The following APBB2 variants were observed in gnomAD, a reference collection of about 807,000 sequenced individuals.
The protein encoded by APBB2 is amyloid beta precursor protein binding family B member 2, also known as Fe65-like 1.
APBB2 carries 38 observed loss-of-function variants against 82.5 expected under a neutral mutation model. That is an observed-to-expected ratio of 0.46 (90% CI 0.36 to 0.60). The LOEUF (loss-of-function observed/expected upper bound fraction) is 0.60. APBB2 is among the 20% of genes least tolerant of loss of function. The pLI is 0.00. For synonymous variants in APBB2, 341 were observed against 368.2 expected (o/e 0.93, Z 0.85); for missense variants, 772 against 972.3 (o/e 0.79, Z 2.74).
chr4:41,127,290 A>T lies in APBB2; in HGVS notation c.-261+15697T>A, dbSNP rs1038422806. 2.0e-5 allele frequency among the ~76,000 whole-genome samples: 3 copies of T among 152,234 alleles called. No homozygotes were observed. Among genetic ancestry groups the T allele is most frequent in the Non-Finnish European group, 4.4e-5 (3 of 68,026 alleles). On this transcript the variant is annotated intron_variant, in intron 2 of 17. Coordinates refer to ENST00000508593, the MANE Select transcript of APBB2 (RefSeq NM_004307.2). The surrounding 1 kb of genome is among the most constrained non-coding windows in gnomAD (Gnocchi z 4.8). ...GGAAACCCAAAGATTTCTAAGCACC[A>T]GTTGCCAGTCCACATTTTATAAGCA...
rs150652593 is a variant in APBB2, at chr4:41,001,401, A to G, written c.835+12182T>C. 2.0e-5 allele frequency among the ~76,000 whole-genome samples: 3 copies of G among 152,366 alleles called. No individual in the cohort carries two copies. The East Asian group carries it at 5.8e-4, about 29-fold the overall frequency. On this transcript the variant is annotated intron_variant, in intron 6 of 17. Coordinates refer to ENST00000508593, the MANE Select transcript of APBB2 (RefSeq NM_004307.2). ...AACCAGCTTCTCCAACAAGCCATTTATAGGATAAAGATCTACCTTTATGAT... is the reference window on the plus strand; with the variant it reads ...AACCAGCTTCTCCAACAAGCCATTTGTAGGATAAAGATCTACCTTTATGAT...
chr4:40,841,095 C>T lies in APBB2; in HGVS notation c.1530-10518G>A, dbSNP rs187732718. ...GGAAGACCAGCCCTGCAGGTGTCACCGCCCACTCTATGCTGTCTCTCCCTC... is the reference window on the plus strand; with the variant it reads ...GGAAGACCAGCCCTGCAGGTGTCACTGCCCACTCTATGCTGTCTCTCCCTC... On this transcript the variant is annotated intron_variant, in intron 12 of 17. Transcript: ENST00000508593. 7.2e-5 allele frequency among the ~76,000 whole-genome samples: 11 copies of T among 152,302 alleles called. No homozygotes were observed. In the East Asian group the frequency reaches 7.7e-4, roughly 11 times the overall value.
intron 1 of APBB2, among the ~76,000 whole-genome samples, chr4:41,182,140 G>T (rs1771590419): frequency 6.6e-6 from 1 of 152,070 alleles, no homozygotes; most frequent in Non-Finnish European, 1.5e-5. Flanking sequence ...GCATCTCCAG[G>T]ATAAACAAGG....
intron 12 of APBB2, chr4:40,849,026 C>A (rs930930290): frequency 7.8e-6 from 3 of 386,572 alleles, no homozygotes; most frequent in Non-Finnish European, 1.1e-5. Flanking sequence ...AATCAATATT[C>A]TTGAATATGT....
At chr4:41,139,860 A>T (rs1488771233) in intron 2 of APBB2, among the ~76,000 whole-genome samples, 1 of 152,224 alleles carries the variant, frequency 6.6e-6, no homozygotes, top group Non-Finnish European at 1.5e-5. Flanking sequence ...ATGAAAGCTC[A>T]TAGAACATAC....
intron 1 of APBB2, among the ~76,000 whole-genome samples, chr4:41,147,321 T>C (rs1271180843): frequency 6.6e-6 from 1 of 152,124 alleles, no homozygotes; most frequent in Non-Finnish European, 1.5e-5. Flanking sequence ...AACAGAAGAC[T>C]AAACAGAAAT....
At chr4:41,038,707 C>T (rs1402376614) in intron 4 of APBB2, among the ~76,000 whole-genome samples, 1 of 152,238 alleles carries the variant, frequency 6.6e-6, no homozygotes, top group Non-Finnish European at 1.5e-5. Flanking sequence ...ACCCAATACT[C>T]CCTTTCTATA....
intron 11 of APBB2, chr4:40,890,734 G>A (rs547645774): frequency 4.8e-6 from 2 of 416,302 alleles, no homozygotes; most frequent in Admixed American, 4.3e-5. Context: ...CTGCTTTCCA[G>A]GCTGCTCTTA....
intron 3 of APBB2, among the ~76,000 whole-genome samples, chr4:41,085,021 C>G (rs1283836781): frequency 6.6e-6 from 1 of 152,092 alleles, no homozygotes; most frequent in Non-Finnish European, 1.5e-5. Context: ...GAGGCCAAGG[C>G]AGGTGGATCA....
chr4:40,900,675 T>A (rs1775025487), intron 10 of APBB2, among the ~76,000 whole-genome samples: 1 of 151,882 alleles, frequency 6.6e-6, no homozygotes, highest in African/African-American at 2.4e-5. Context: ...CAGGCTGGTC[T>A]CCAACTCCTG....
chr4:40,954,711 T>C (rs1254546171), intron 6 of APBB2, among the ~76,000 whole-genome samples: 2 of 152,254 alleles, frequency 1.3e-5, no homozygotes, highest in African/African-American at 4.8e-5. Context: ...TCACCCAGGC[T>C]GGAGTGCAGT....
chr4:41,150,078 G>C (rs1051548334), intron 1 of APBB2, among the ~76,000 whole-genome samples: 1 of 152,158 alleles, frequency 6.6e-6, no homozygotes, highest in African/African-American at 2.4e-5. Context: ...CAAGTACTCT[G>C]CATCATTTTT....
intron 1 of APBB2, among the ~76,000 whole-genome samples, chr4:41,162,777 G>T (rs1243100636): frequency 6.6e-6 from 1 of 152,098 alleles, no homozygotes; most frequent in African/African-American, 2.4e-5. Context: ...ACGGCTTGCT[G>T]GATCCCAGGA....
chr4:41,071,366 T>C (rs946412133), intron 3 of APBB2, among the ~76,000 whole-genome samples: 1 of 152,156 alleles, frequency 6.6e-6, no homozygotes, highest in Non-Finnish European at 1.5e-5. Flanking sequence ...TATAGTACAA[T>C]ATAATTTCTG....
intron 6 of APBB2, among the ~76,000 whole-genome samples, chr4:41,004,121 G>C (rs1373675360): frequency 1.3e-5 from 2 of 151,438 alleles, no homozygotes. Flanking sequence ...GTTTCACCAT[G>C]TTGGCCAGAC....
intron 12 of APBB2, among the ~76,000 whole-genome samples, chr4:40,889,019 C>G (rs1487054669): frequency 6.6e-6 from 1 of 152,258 alleles, no homozygotes; most frequent in Non-Finnish European, 1.5e-5. Context: ...ATTCATGCAT[C>G]TTTCCAGGGC....
chr4:41,125,826 T>C (rs892317030), intron 2 of APBB2, among the ~76,000 whole-genome samples: 2 of 152,212 alleles, frequency 1.3e-5, no homozygotes, highest in Admixed American at 1.3e-4. Flanking sequence ...AGACAGTCTC[T>C]TGAGAAAGCA....
intron 1 of APBB2, among the ~76,000 whole-genome samples, chr4:41,171,683 C>T (rs922157631): frequency 1.3e-5 from 2 of 152,208 alleles, no homozygotes; most frequent in African/African-American, 2.4e-5. Context: ...TAGGGCTGGG[C>T]GCGGTGGCTC....
At chr4:40,989,531 A>T (rs1801426436) in intron 6 of APBB2, among the ~76,000 whole-genome samples, 2 of 151,298 alleles carry the variant, frequency 1.3e-5, no homozygotes, top group South Asian at 4.2e-4. Context: ...GAGAAACTAC[A>T]TTTTTTTTTT....
Sources: gnomAD v4.1 joint callset for allele counts (sites outside exome capture counted in the v4.1 genomes callset) on GRCh38, gnomAD v4.1.1 for gene constraint, Gnocchi (gnomAD v3.1) non-coding constraint, MANE v1.5 for transcripts, NCBI Gene and HGNC (gene_info 2026-07-23, HGNC 2026-07-21) for gene names.